Variants in TRAPPC9 observed in about 807,000 individuals in gnomAD.
TRAPPC9 encodes trafficking protein particle complex subunit 9.
A neutral mutation model predicts 124.0 loss-of-function variants in TRAPPC9; 83 were observed. That is an observed-to-expected ratio of 0.67 (90% confidence interval 0.56 to 0.80). The LOEUF (loss-of-function observed/expected upper bound fraction) is 0.80, where lower values mean the gene tolerates loss of function less well. Ranked by LOEUF, TRAPPC9 falls within the 30% of genes least tolerant of loss-of-function variation. The pLI is 0.00. For missense variants in TRAPPC9, 1,302 were observed against 1,508.3 expected, an observed-to-expected ratio of 0.86 and a Z score of 2.27; for synonymous variants, 638 against 617.5, an observed-to-expected ratio of 1.03 and a Z score of -0.49.
intron 2 of TRAPPC9, among the ~76,000 whole-genome samples, chr8:140,444,035 CAAAAAAA>C (rs35121401): frequency 0.012 from 487 of 40,924 alleles, 2 homozygotes; most frequent in Non-Finnish European, 0.018. Flanking sequence ...GACTCCATCT[CAAAAAAA>C]AAAAAAAAAA....
chr8:139,790,132 C>T (rs956445159), intron 21 of TRAPPC9, among the ~76,000 whole-genome samples: 2 of 152,252 alleles, frequency 1.3e-5, no homozygotes, highest in Non-Finnish European at 2.9e-5. Context: ...TCAGGACACA[C>T]ACACGGGCAA....
intron 20 of TRAPPC9, among the ~76,000 whole-genome samples, chr8:139,902,438 G>A (rs1012192813): frequency 2.0e-5 from 3 of 152,176 alleles, no homozygotes; most frequent in Non-Finnish European, 2.9e-5. Context: ...TCCCTGCTAC[G>A]GGAGATTAAA....
chr8:140,296,784 A>C (rs1425297955), intron 11 of TRAPPC9, among the ~76,000 whole-genome samples: 1 of 152,256 alleles, frequency 6.6e-6, no homozygotes, highest in African/African-American at 2.4e-5. Context: ...TCACACCTCC[A>C]GTCTCCTAAA....
chr8:140,033,649 C>A, intron 17 of TRAPPC9, among the ~76,000 whole-genome samples: 1 of 109,334 alleles, frequency 9.1e-6, no homozygotes, highest in Non-Finnish European at 1.9e-5. Flanking sequence ...TGCAACTCTT[C>A]ATAATGTGGT....
At chr8:139,845,437 C>T (rs1296257580) in intron 21 of TRAPPC9, among the ~76,000 whole-genome samples, 3 of 152,198 alleles carry the variant, frequency 2.0e-5, no homozygotes, top group African/African-American at 4.8e-5. Context: ...TCCTAATATC[C>T]ACTTTCTCCC....
rs763015690 is a variant in TRAPPC9 at position 140,300,454 on chromosome 8, G to C, written c.1768+15C>G. The C allele has an allele frequency of 3.7e-6, 6 of 1,614,088 alleles. No homozygotes were observed. The highest frequency in any genetic ancestry group is 5.1e-6 in the Non-Finnish European group (6 of 1,179,964). Reference sequence around the variant, plus strand: ...GTGGCAGAGCACGGTGGGAAAGCCAGGATCGACGTCCTACCTATTTTCTTG... The same window carrying C: ...GTGGCAGAGCACGGTGGGAAAGCCACGATCGACGTCCTACCTATTTTCTTG... On this transcript the variant is annotated intron_variant, in intron 11 of 22. Coordinates refer to ENST00000438773, the MANE Select transcript of TRAPPC9 (RefSeq NM_001160372.4).
At chr8:139,948,830 C>A (rs1235222689) in intron 19 of TRAPPC9, among the ~76,000 whole-genome samples, 1 of 152,184 alleles carries the variant, frequency 6.6e-6, no homozygotes, top group African/African-American at 2.4e-5. Flanking sequence ...GTAACCTCAG[C>A]ACTTTGAGAG....
intron 17 of TRAPPC9, among the ~76,000 whole-genome samples, chr8:140,200,909 G>A (rs910195671): frequency 1.3e-5 from 2 of 152,188 alleles, no homozygotes; most frequent in Admixed American, 6.5e-5. Flanking sequence ...TGATATGAGG[G>A]ATACATGGGA....
At chr8:140,370,768 C>T (rs182753842) in intron 8 of TRAPPC9, among the ~76,000 whole-genome samples, 196 bp downstream of exon 8, 9 of 152,318 alleles carry the variant, frequency 5.9e-5, no homozygotes, top group Admixed American at 2.6e-4. Flanking sequence ...TTCAAGAATC[C>T]GAGCCCCAAG....
chr8:140,036,362 T>C (rs917878687), intron 17 of TRAPPC9, among the ~76,000 whole-genome samples: 1 of 150,228 alleles, frequency 6.7e-6, no homozygotes, highest in Admixed American at 6.6e-5. Context: ...TGGCATGGAG[T>C]GAACATTGAC....
chr8:140,399,222 T>G lies in TRAPPC9; in HGVS notation c.1009-1477A>C, dbSNP rs555662964. ...TCATGGAGAACCTCTGCTAGGGCAG[T>G]GCAAAAGGGAAATATGGGGTTGGAG... On this transcript the variant is annotated intron_variant, in intron 6 of 22. Coordinates refer to ENST00000438773, the MANE Select transcript of TRAPPC9 (RefSeq NM_001160372.4). Among the ~76,000 whole-genome samples, 152 of 152,356 alleles carry G rather than the reference T, an allele frequency of 1.0e-3. 1 individual carries two copies. The highest frequency in any genetic ancestry group is 3.6e-3 in the African/African-American group (150 of 41,584).
intron 16 of TRAPPC9, among the ~76,000 whole-genome samples, chr8:140,235,558 C>T (rs2063711564): frequency 1.3e-5 from 2 of 152,200 alleles, no homozygotes; most frequent in Non-Finnish European, 2.9e-5. Flanking sequence ...TCACTGGCTA[C>T]TTGGGAAAAG....
At chr8:140,370,005 T>A (rs1241376849) in intron 8 of TRAPPC9, among the ~76,000 whole-genome samples, 1 of 152,136 alleles carries the variant, frequency 6.6e-6, no homozygotes, top group East Asian at 1.9e-4. Flanking sequence ...TTTGCCCTGG[T>A]GGGAAATTAA....
chr8:140,147,549 C>A (rs1371119641), intron 17 of TRAPPC9, among the ~76,000 whole-genome samples: 1 of 152,138 alleles, frequency 6.6e-6, no homozygotes, highest in Non-Finnish European at 1.5e-5. Flanking sequence ...ATTTATTATA[C>A]ATGGATAACT....
chr8:140,359,570 G>A (rs1403041320), intron 9 of TRAPPC9, among the ~76,000 whole-genome samples: 1 of 152,120 alleles, frequency 6.6e-6, no homozygotes, highest in Non-Finnish European at 1.5e-5. Context: ...GTTACCCAGT[G>A]ACTCGAAGGG....
At chr8:140,153,322 A>C (rs937872559) in intron 17 of TRAPPC9, among the ~76,000 whole-genome samples, 2 of 151,914 alleles carry the variant, frequency 1.3e-5, no homozygotes, top group East Asian at 3.9e-4. Flanking sequence ...TCTTCCCTCC[A>C]TGATTTGTTC....
intron 19 of TRAPPC9, among the ~76,000 whole-genome samples, chr8:139,936,154 C>T (rs1455533930): frequency 1.3e-5 from 2 of 152,232 alleles, no homozygotes; most frequent in African/African-American, 4.8e-5. Flanking sequence ...CTAACTCCGG[C>T]CCTTTTGAGA....
intron 21 of TRAPPC9, among the ~76,000 whole-genome samples, chr8:139,877,724 C>T (rs1372708028): frequency 6.6e-6 from 1 of 152,182 alleles, no homozygotes; most frequent in Non-Finnish European, 1.5e-5. Context: ...GAGGAACATG[C>T]TCTCTGCTGG....
chr8:139,958,224 C>A (rs1199616120), intron 19 of TRAPPC9, among the ~76,000 whole-genome samples: 1 of 152,190 alleles, frequency 6.6e-6, no homozygotes, highest in Non-Finnish European at 1.5e-5. Flanking sequence ...AAGGCCAGTC[C>A]CCACGGCTCC....
Sources: allele counts gnomAD v4.1 joint callset (sites outside exome capture counted in the v4.1 genomes callset), GRCh38; gene constraint gnomAD v4.1.1; transcripts MANE v1.5; gene names NCBI Gene and HGNC (gene_info 2026-07-23, HGNC 2026-07-21).